The following PNPLA3 variants were observed in gnomAD, a reference collection of about 807,000 sequenced individuals.
PNPLA3 encodes the protein 1-acylglycerol-3-phosphate O-acyltransferase PNPLA3.
Under a neutral mutation model 43.1 loss-of-function variants are expected in PNPLA3, and 42 were observed. The observed-to-expected ratio is 0.97, with a 90% confidence interval of 0.76 to 1.26. The LOEUF (loss-of-function observed/expected upper bound fraction) is 1.26. PNPLA3 is among the 50% of genes most tolerant of loss of function. PNPLA3 has a pLI of 0.00. For missense variants in PNPLA3, 647 were observed against 621.4 expected (o/e 1.04, Z -0.44); for synonymous variants, 272 against 253.6 (o/e 1.07, Z -0.69).
rs552488054 is a variant in PNPLA3 at position 43,935,230 on chromosome 22, T to C, written c.757+564T>C. 6.6e-5 allele frequency among the ~76,000 whole-genome samples: 10 copies of C among 152,238 alleles called. 1 individual carries two copies. The South Asian group carries it at 1.9e-3, about 28-fold the overall frequency. On this transcript the variant is annotated intron_variant, in intron 5 of 8. Coordinates refer to ENST00000216180, the MANE Select transcript of PNPLA3 (RefSeq NM_025225.3). ...AAGATGTGTTGGGAGCTATTTTTCT[T>C]TAATACTAAAAGTTGGTTGATGAAT...
intron 7 of PNPLA3, among the ~76,000 whole-genome samples, chr22:43,943,541 G>A (rs1029171361): frequency 2.0e-5 from 3 of 152,198 alleles, no homozygotes; most frequent in Middle Eastern, 3.4e-3. Context: ...TCTGCCTGGG[G>A]TCCAGTAATC....
Position 43,940,059 on chromosome 22 carries a change from G to A in PNPLA3, c.1046G>A (p.Arg349Lys), listed in dbSNP as rs768665435. The change falls in exon 7 of 9, where the codon AGG (arginine) becomes AAG (lysine). Residue 349 changes from arginine to lysine, a missense_variant. By Grantham distance (26) the Arg-to-Lys change is conservative. Transcript: ENST00000216180. Reference protein sequence around the residue: ...MSKICNLLPIRIMSYVMLPCT... With the variant: ...MSKICNLLPIKIMSYVMLPCT... ...AAGATTTGCAACTTGCTACCCATTAGGATAATGTCTTATGTAATGCTGCCC... is the reference window on the plus strand; with the variant it reads ...AAGATTTGCAACTTGCTACCCATTAAGATAATGTCTTATGTAATGCTGCCC... The A allele has an allele frequency of 1.2e-6, 2 of 1,614,114 alleles. No individual in the cohort carries two copies. The highest frequency in any genetic ancestry group is 1.7e-5 in the Admixed American group (1 of 60,024).
At position 43,927,059 on chromosome 22, in the gene PNPLA3, C is replaced by T. The variant is rs748703016; in HGVS notation, c.312C>T (p.Ala104=). The T allele has an allele frequency of 6.2e-7, 1 of 1,614,238 alleles. No homozygotes were observed. The highest frequency in any genetic ancestry group is 8.5e-7 in the Non-Finnish European group (1 of 1,180,040). ...LRQGLCKCLP[A]NVHQLISGKI... is the part of the protein sequence containing the mutation. ...AGGGTCTCTGCAAATGCCTCCCGGC[C>T]AATGTCCACCAGCTCATCTCCGGCA... Residue 104 remains alanine (A), a synonymous_variant, in exon 2 of 9, where the codon GCC becomes GCT. Coordinates refer to ENST00000216180, the MANE Select transcript of PNPLA3 (RefSeq NM_025225.3).
chr22:43,935,813 G>T (rs1249768263), intron 5 of PNPLA3, among the ~76,000 whole-genome samples: 3 of 152,086 alleles, frequency 2.0e-5, no homozygotes, highest in Non-Finnish European at 4.4e-5. Context: ...ATCCTGCAGT[G>T]GTAGGGAGCC....
rs16991170 is a variant in PNPLA3, at chr22:43,937,154, G to A, written c.861G>A (p.Pro287=). The A allele has an allele frequency of 2.6e-4, 416 of 1,614,146 alleles. 1 individual carries two copies. The African/African-American group carries it at 4.7e-3, about 18-fold the overall frequency. Residue 287 remains proline, a synonymous_variant, in exon 6 of 9, where the codon CCG becomes CCA. Transcript: ENST00000216180. ...CAAACATGAGTCTGGATTCTTCCCC[G>A]GAGTCGGCTGCCTTGGCTGTGAGGC... ...SWANMSLDSS[P]ESAALAVRLE... is the part of the protein sequence containing the mutation.
At chr22:43,933,126 G>C (rs374272684) in intron 4 of PNPLA3, 39 bp downstream of exon 4, 206 of 1,563,718 alleles carry the variant, frequency 1.3e-4, no homozygotes, top group Non-Finnish European at 1.7e-4. Context: ...CTGGGGTGCA[G>C]CTCTTCTTTG....
At chr22:43,944,819 G>T in intron 8 of PNPLA3, 24 bp downstream of exon 8, 1 of 1,597,792 alleles carries the variant, frequency 6.3e-7, no homozygotes. Context: ...CTGTGGGTGT[G>T]TGGGCCGGAC....
chr22:43,945,830 C>T lies in PNPLA3; in HGVS notation c.1218-324C>T, dbSNP rs778088668. Among the ~76,000 whole-genome samples, 6 of 152,018 alleles carry T rather than the reference C, an allele frequency of 3.9e-5. No individual in the cohort carries two copies. The South Asian group carries it at 6.2e-4, about 16-fold the overall frequency. ...GTGACTGGTGGTCAGTGGTGCCAGGCGGTGGGTGGTAGGACACCCTGGCAG... is the reference window on the plus strand; with the variant it reads ...GTGACTGGTGGTCAGTGGTGCCAGGTGGTGGGTGGTAGGACACCCTGGCAG... On this transcript the variant is annotated intron_variant, in intron 8 of 8. Coordinates refer to ENST00000216180, the MANE Select transcript of PNPLA3 (RefSeq NM_025225.3).
chr22:43,927,502 AAAG>A (rs199796317), intron 2 of PNPLA3, among the ~76,000 whole-genome samples: 7,884 of 150,896 alleles, frequency 0.052, 257 homozygotes, highest in South Asian at 0.1. Context: ...AAAAAAAAAA[AAAG>A]AAAGACTGTT....
At chr22:43,944,281 G>A (rs2050049330) in intron 7 of PNPLA3, among the ~76,000 whole-genome samples, 1 of 152,154 alleles carries the variant, frequency 6.6e-6, no homozygotes, top group Non-Finnish European at 1.5e-5. Context: ...GGGATGGAGA[G>A]TCTAGAGGAG....
At chr22:43,931,305 A>G (rs1055456053) in intron 3 of PNPLA3, among the ~76,000 whole-genome samples, 1 of 152,206 alleles carries the variant, frequency 6.6e-6, no homozygotes, top group East Asian at 1.9e-4. Context: ...TACTGTGTAC[A>G]TACCGCATGC....
intron 8 of PNPLA3, 91 bp downstream of exon 8, chr22:43,944,886 A>G: frequency 8.7e-7 from 1 of 1,149,632 alleles, no homozygotes; most frequent in Non-Finnish European, 1.3e-6. Context: ...AGCTGGCTGA[A>G]CACCAAGCAA....
rs2050067321 is a variant in PNPLA3 at position 43,946,865 on chromosome 22, G to T, written c.*483G>T. The T allele has an allele frequency of 7.6e-6, 3 of 396,886 alleles. No homozygotes were observed. The highest frequency in any genetic ancestry group is 5.7e-5 in the South Asian group (3 of 52,184). The allele number at this position is 396,886 out of a possible 1,614,324, so 24.6% of individuals were successfully genotyped here. A position where few individuals can be genotyped will look rare whatever the true frequency, so the allele number is the denominator to read the frequency against. ...AACGACACTGCCTGTCAGGTGGTCT[G>T]CAAAGATGATAACCTTGACTACTAA... On this transcript the variant is annotated 3_prime_UTR_variant, in exon 9 of 9. Coordinates refer to ENST00000216180, the MANE Select transcript of PNPLA3 (RefSeq NM_025225.3).
chr22:43,927,311 G>A (rs1186587324), intron 2 of PNPLA3, 144 bp downstream of exon 2: 1 of 668,550 alleles, frequency 1.5e-6, no homozygotes, highest in Non-Finnish European at 2.6e-6. Flanking sequence ...CCAACATGAT[G>A]AAACCCAGTC....
At chr22:43,932,469 C>T (rs532945375) in intron 3 of PNPLA3, among the ~76,000 whole-genome samples, 1 of 152,318 alleles carries the variant, frequency 6.6e-6, no homozygotes, top group East Asian at 1.9e-4. Flanking sequence ...CATGTTTCTC[C>T]TTTGGGTTTC....
At chr22:43,933,383 GA>G (rs2049974284) in intron 4 of PNPLA3, among the ~76,000 whole-genome samples, 1 of 152,000 alleles carries the variant, frequency 6.6e-6, no homozygotes, top group African/African-American at 2.4e-5. Flanking sequence ...TAGTTATAAA[GA>G]TTTTTTTTTG....
At position 43,928,900 on chromosome 22, in the gene PNPLA3, T is replaced by G. The variant is rs1397906722; in HGVS notation, c.486+11T>G. ...TCCTTCAGAGGCGTGGTAAGTCGGC[T>G]TTCTCTGCTAGCGCTGAGTCCTGGG... On this transcript the variant is annotated intron_variant, in intron 3 of 8. Transcript: ENST00000216180. 1 of 1,605,314 alleles carries G rather than the reference T, an allele frequency of 6.2e-7. No individual in the cohort carries two copies. Among genetic ancestry groups the G allele is most frequent in the South Asian group, 1.1e-5 (1 of 90,932 alleles).
chr22:43,937,801 G>A (rs946281363), intron 6 of PNPLA3, among the ~76,000 whole-genome samples: 1 of 152,076 alleles, frequency 6.6e-6, no homozygotes, highest in Non-Finnish European at 1.5e-5. Context: ...AACCTCCATC[G>A]AATGGTGCTG....
chr22:43,927,210 T>C (rs779404765), intron 2 of PNPLA3, 43 bp downstream of exon 2: 4 of 1,569,974 alleles, frequency 2.5e-6, no homozygotes, highest in East Asian at 2.2e-5. Context: ...TTAGAAAAGC[T>C]GTTTTGGGAT....
Sources: gnomAD v4.1 joint callset for allele counts (sites outside exome capture counted in the v4.1 genomes callset) on GRCh38, gnomAD v4.1.1 for gene constraint, MANE v1.5 for transcripts, NCBI Gene and HGNC (gene_info 2026-07-23, HGNC 2026-07-21) for gene names.